The following GRM5 variants were observed in gnomAD, a reference collection of about 807,000 sequenced individuals.
The protein encoded by GRM5 is metabotropic glutamate receptor 5.
In GRM5, 19 loss-of-function variants were observed where a neutral mutation model predicts 83.1. That is an observed-to-expected ratio of 0.23 (90% CI 0.16 to 0.34). The LOEUF is 0.34. Among genes scored for constraint, GRM5 ranks in the 10% least tolerant of loss-of-function variants. The pLI is 1.00. For synonymous variants in GRM5, 675 were observed against 633.6 expected (o/e 1.07, Z -0.98); for missense variants, 1,160 against 1,588.3 (o/e 0.73, Z 4.58).
At chr11:88,729,362 C>CAA (rs538867810) in intron 3 of GRM5, among the ~76,000 whole-genome samples, 37 of 141,628 alleles carry the variant, frequency 2.6e-4, no homozygotes, top group Non-Finnish European at 3.9e-4. Context: ...AACCACTGCC[C>CAA]AAAAAAAAAA....
chr11:88,965,929 T>C (rs1258532223), intron 2 of GRM5, among the ~76,000 whole-genome samples: 4 of 152,158 alleles, frequency 2.6e-5, no homozygotes, highest in Non-Finnish European at 5.9e-5. Flanking sequence ...AATAGTTTAC[T>C]GAAGAACAGC....
intron 4 of GRM5, among the ~76,000 whole-genome samples, chr11:88,608,913 TAACA>T (rs1938242555): frequency 6.6e-6 from 1 of 152,218 alleles, no homozygotes; most frequent in Non-Finnish European, 1.5e-5. Flanking sequence ...TGAATTAAAT[TAACA>T]AACTGTCTTC....
At chr11:89,053,254 C>A (rs1591081075) in intron 1 of GRM5, among the ~76,000 whole-genome samples, 1 of 152,092 alleles carries the variant, frequency 6.6e-6, no homozygotes, top group African/African-American at 2.4e-5. Flanking sequence ...ATATCCACCC[C>A]AAATTATAGC....
intron 3 of GRM5, among the ~76,000 whole-genome samples, chr11:88,752,059 C>G (rs1942284170): frequency 6.6e-6 from 1 of 152,192 alleles, no homozygotes; most frequent in Admixed American, 6.5e-5. Context: ...ATGATGCCCT[C>G]TCTCACACCT....
At chr11:88,596,935 T>G (rs957419481) in intron 6 of GRM5, among the ~76,000 whole-genome samples, 1 of 152,118 alleles carries the variant, frequency 6.6e-6, no homozygotes, top group Admixed American at 6.5e-5. Flanking sequence ...GGAAGTCATG[T>G]CTTTAAAGGC....
chr11:88,947,766 T>C (rs1416341183), intron 2 of GRM5, among the ~76,000 whole-genome samples: 1 of 152,172 alleles, frequency 6.6e-6, no homozygotes, highest in Non-Finnish European at 1.5e-5. Context: ...AACAACCTTG[T>C]TCAGAGCTAA....
intron 3 of GRM5, among the ~76,000 whole-genome samples, chr11:88,729,931 A>G (rs1295344047): frequency 6.6e-6 from 1 of 151,832 alleles, no homozygotes; most frequent in Non-Finnish European, 1.5e-5. Context: ...AAAGCCCTAC[A>G]ACATAACCTA....
chr11:88,508,914 G>A lies in GRM5; in HGVS notation c.3317C>T (p.Pro1106Leu). 1 of 1,601,682 alleles carries A rather than the reference G, an allele frequency of 6.2e-7. No individual in the cohort carries two copies. The highest frequency in any genetic ancestry group is 1.3e-5 in the African/African-American group (1 of 74,582). The change falls in exon 10 of 10, where the codon CCC (proline) becomes CTC (leucine). Residue 1106 changes from proline to leucine, a missense_variant. By Grantham distance (98) the Pro-to-Leu change is moderately conservative (BLOSUM62 -3). Around this residue, in one of 9 missense-constraint regions of GRM5, gnomAD observed 562 missense variants for 532.4 expected, o/e 1.06. Transcript: ENST00000305447. This position sits in a 1 kb window ranked among gnomAD's most constrained non-coding sequence, Gnocchi z 4.2. ...SYLIPKEIQL[P>L]TTMTTFAEIQ... The stretch of plus-strand genomic sequence containing the variant: ...TTCGGCAAAGGTCGTCATGGTCGTG[G>A]GCAACTGGATCTCTTTGGGGATCAG...
intron 2 of GRM5, among the ~76,000 whole-genome samples, chr11:88,947,624 C>T (rs1317935421): frequency 6.6e-6 from 1 of 151,550 alleles, no homozygotes; most frequent in East Asian, 1.9e-4. Context: ...ATTATATTTG[C>T]TAACTACCCA....
intron 4 of GRM5, among the ~76,000 whole-genome samples, chr11:88,641,591 A>G (rs1939295546): frequency 1.3e-5 from 2 of 152,182 alleles, no homozygotes; most frequent in Admixed American, 6.5e-5. Context: ...CCAAGATACA[A>G]TGGGGGTTTA....
chr11:88,557,330 C>A (rs978668223), intron 8 of GRM5, among the ~76,000 whole-genome samples: 10 of 152,236 alleles, frequency 6.6e-5, no homozygotes, highest in African/African-American at 2.4e-4. Flanking sequence ...TGAAGCAAGC[C>A]ATTATTAATC....
chr11:89,053,725 C>G (rs1018349142), intron 1 of GRM5, among the ~76,000 whole-genome samples: 6 of 148,678 alleles, frequency 4.0e-5, no homozygotes, highest in African/African-American at 1.5e-4. Flanking sequence ...ATAGAAAGTG[C>G]CAGAGATATA....
At chr11:89,000,724 G>A (rs567099799) in intron 2 of GRM5, among the ~76,000 whole-genome samples, 160 of 152,082 alleles carry the variant, frequency 1.1e-3, no homozygotes, top group African/African-American at 3.7e-3. Flanking sequence ...ATTAAAAACT[G>A]CTCTGTACAA....
intron 3 of GRM5, among the ~76,000 whole-genome samples, chr11:88,743,119 A>G (rs568444133): frequency 4.5e-4 from 69 of 152,258 alleles, no homozygotes; most frequent in Admixed American, 9.8e-4. Context: ...GCCCTGTTTT[A>G]TAGAAACCCC....
intron 8 of GRM5, among the ~76,000 whole-genome samples, chr11:88,556,258 C>T (rs1420920705): frequency 1.3e-5 from 2 of 151,720 alleles, no homozygotes; most frequent in Non-Finnish European, 2.9e-5. Flanking sequence ...TGAGATGACC[C>T]CAGGATTAGT....
At chr11:88,684,353 A>G (rs924244706) in intron 3 of GRM5, among the ~76,000 whole-genome samples, 2 of 152,220 alleles carry the variant, frequency 1.3e-5, no homozygotes, top group African/African-American at 4.8e-5. Context: ...TGTACTAGAG[A>G]GGATCTAAAA....
chr11:88,977,015 T>C (rs1392272759), intron 2 of GRM5, among the ~76,000 whole-genome samples: 1 of 151,808 alleles, frequency 6.6e-6, no homozygotes, highest in Non-Finnish European at 1.5e-5. Flanking sequence ...TAATAGATCA[T>C]ATAAAACTCT....
In GRM5 at chr11:88,614,709, A is replaced by T. The variant is rs541306523; in HGVS notation, c.1148-9745T>A. 8.5e-5 allele frequency among the ~76,000 whole-genome samples: 13 copies of T among 152,316 alleles called. No homozygotes were observed. In the South Asian group the frequency reaches 2.7e-3, roughly 32 times the overall value. On this transcript the variant is annotated intron_variant, in intron 4 of 9. Coordinates refer to ENST00000305447, the MANE Select transcript of GRM5 (RefSeq NM_001143831.3). ...CAACATAATTTTGCATGTATCTGAT[A>T]TGTGCCTAAGCACTACAAGATAGAC...
chr11:88,661,167 C>T (rs766466407), intron 3 of GRM5, among the ~76,000 whole-genome samples: 3 of 152,170 alleles, frequency 2.0e-5, no homozygotes, highest in Non-Finnish European at 2.9e-5. Flanking sequence ...ATACTTTGCA[C>T]ATCTTTGTAT....
Sources: gnomAD v4.1 joint callset for allele counts (sites outside exome capture counted in the v4.1 genomes callset) on GRCh38, gnomAD v4.1.1 for gene constraint, gnomAD v4.1.1 regional missense constraint, Gnocchi (gnomAD v3.1) non-coding constraint, MANE v1.5 for transcripts, NCBI Gene and HGNC (gene_info 2026-07-23, HGNC 2026-07-21) for gene names.